SMARCC1: variants seen among roughly 807,000 people sequenced by gnomAD.
The protein encoded by SMARCC1 is SWI/SNF related BAF chromatin remodeling complex subunit C1, also known as SWI/SNF complex subunit SMARCC1.
Under a neutral mutation model 147.4 loss-of-function variants are expected in SMARCC1, and 43 were observed. That is an observed-to-expected ratio of 0.29 (90% CI 0.23 to 0.38). The LOEUF (loss-of-function observed/expected upper bound fraction) is 0.38. SMARCC1 is among the 10% of genes least tolerant of loss of function. The pLI is 1.00. For synonymous variants in SMARCC1, 495 were observed against 484.4 expected (o/e 1.02, Z -0.29); for missense variants, 1,119 against 1,381.1 (o/e 0.81, Z 3.01).
intron 9 of SMARCC1, among the ~76,000 whole-genome samples, chr3:47,710,092 T>A (rs1322402910): frequency 6.6e-6 from 1 of 151,940 alleles, no homozygotes; most frequent in Non-Finnish European, 1.5e-5. Context: ...CAAGGCAGGC[T>A]GATCACCTGA....
chr3:47,624,289 CA>C lies in SMARCC1; in HGVS notation c.2647-1949del, dbSNP rs551693931. Among the ~76,000 whole-genome samples the C allele has an allele frequency of 3.6e-4, 54 of 149,584 alleles. No homozygotes were observed. The South Asian group carries it at 0.011, about 31-fold the overall frequency. On this transcript the variant is annotated intron_variant, in intron 24 of 27. Transcript: ENST00000254480. ...CTAGTGACAGAACAAGAATCCATCT[CA>C]AAAAAAATAAAAAATAAAATAAAAG...
intron 22 of SMARCC1, among the ~76,000 whole-genome samples, chr3:47,637,921 T>C (rs2032993288): frequency 6.6e-6 from 1 of 152,176 alleles, no homozygotes; most frequent in Admixed American, 6.5e-5. Context: ...TCAATCTTTA[T>C]AGTTCTACCT....
At chr3:47,767,069 G>A (rs1005248932) in intron 2 of SMARCC1, among the ~76,000 whole-genome samples, 1 of 151,068 alleles carries the variant, frequency 6.6e-6, no homozygotes, top group Non-Finnish European at 1.5e-5. Context: ...TGTTGTCCCA[G>A]CTACTTGGGA....
intron 23 of SMARCC1, 62 bp downstream of exon 23, chr3:47,635,960 T>G: frequency 1.2e-6 from 1 of 802,304 alleles, no homozygotes; most frequent in South Asian, 1.6e-5. Flanking sequence ...TAAACCACCT[T>G]CATTTCTCCA....
intron 7 of SMARCC1, among the ~76,000 whole-genome samples, chr3:47,716,561 A>G (rs2034159156): frequency 6.6e-6 from 1 of 152,214 alleles, no homozygotes; most frequent in South Asian, 2.1e-4. Context: ...AACCTGAGCC[A>G]GCTGCCACAT....
intron 2 of SMARCC1, among the ~76,000 whole-genome samples, chr3:47,752,296 G>C (rs2034638167): frequency 6.6e-6 from 1 of 152,158 alleles, no homozygotes; most frequent in Non-Finnish European, 1.5e-5. Context: ...TGGAAAGCTG[G>C]AGATAGGAAC....
At chr3:47,604,888 G>C (rs569893327) in intron 26 of SMARCC1, among the ~76,000 whole-genome samples, 1 of 151,978 alleles carries the variant, frequency 6.6e-6, no homozygotes, top group South Asian at 2.1e-4. Context: ...TAGTAGAGAT[G>C]GGCTTTTGCC....
intron 7 of SMARCC1, among the ~76,000 whole-genome samples, chr3:47,717,519 A>G (rs1178941167): frequency 2.0e-5 from 3 of 152,188 alleles, no homozygotes; most frequent in African/African-American, 7.2e-5. Flanking sequence ...TCAAACAACT[A>G]TCAATCAATC....
intron 11 of SMARCC1, among the ~76,000 whole-genome samples, chr3:47,700,888 T>C (rs1023762720): frequency 6.6e-6 from 1 of 152,126 alleles, no homozygotes; most frequent in Admixed American, 6.6e-5. Context: ...GTAACTAAGG[T>C]TCATCACACT....
At chr3:47,714,193 G>A (rs548157296) in intron 8 of SMARCC1, among the ~76,000 whole-genome samples, 5 of 152,246 alleles carry the variant, frequency 3.3e-5, no homozygotes, top group African/African-American at 1.2e-4. Context: ...GTAAAACTCC[G>A]TCTCTACTAA....
At chr3:47,666,626 A>G (rs1176746120) in intron 19 of SMARCC1, among the ~76,000 whole-genome samples, 4 of 151,356 alleles carry the variant, frequency 2.6e-5, no homozygotes, top group Non-Finnish European at 5.9e-5. Context: ...AGCTAAACCA[A>G]GCTTGTCCAA....
At chr3:47,588,402 C>G in intron 27 of SMARCC1, 96 bp from the exon 28 acceptor site, 3 of 1,178,216 alleles carry the variant, frequency 2.5e-6, no homozygotes, top group Non-Finnish European at 3.7e-6. Context: ...AAGTCCTTTC[C>G]TTAGTGGCAG....
chr3:47,671,196 A>AAAAAACAAC, intron 18 of SMARCC1, among the ~76,000 whole-genome samples: 2 of 81,140 alleles, frequency 2.5e-5, no homozygotes, highest in Non-Finnish European at 4.8e-5. Flanking sequence ...AAAAAAAAAA[A>AAAAAACAAC]AACACACACA....
chr3:47,644,510 T>G (rs1246106786), intron 21 of SMARCC1, among the ~76,000 whole-genome samples: 5 of 152,002 alleles, frequency 3.3e-5, no homozygotes, highest in Admixed American at 2.0e-4. Flanking sequence ...GAAAAACTTT[T>G]TTTGTTTGTT....
intron 1 of SMARCC1, among the ~76,000 whole-genome samples, chr3:47,775,324 C>A (rs1377204393): frequency 2.6e-5 from 4 of 151,056 alleles, no homozygotes; most frequent in African/African-American, 4.9e-5. Flanking sequence ...CCACGCCTGG[C>A]TAATTTTTTG....
At chr3:47,736,754 C>T (rs1469490727) in intron 4 of SMARCC1, among the ~76,000 whole-genome samples, 1 of 151,618 alleles carries the variant, frequency 6.6e-6, no homozygotes, top group African/African-American at 2.4e-5. Flanking sequence ...TATGTTAACT[C>T]CCCAAATCAT....
chr3:47,629,468 T>G (rs537246935), intron 24 of SMARCC1, among the ~76,000 whole-genome samples: 4 of 152,310 alleles, frequency 2.6e-5, no homozygotes, highest in Non-Finnish European at 5.9e-5. Flanking sequence ...CTGTGTCCCC[T>G]TACCTTGAAT....
At chr3:47,690,914 CAG>C (rs2106774883) in intron 12 of SMARCC1, among the ~76,000 whole-genome samples, 1 of 152,278 alleles carries the variant, frequency 6.6e-6, no homozygotes, top group Admixed American at 6.5e-5. Flanking sequence ...AAGTAACTAA[CAG>C]AAAGAAATCT....
At position 47,609,937 on chromosome 3, in the gene SMARCC1, T is replaced by C. The variant is rs575890706; in HGVS notation, c.3043+129A>G. 7.0e-6 allele frequency: 7 copies of C among 998,958 alleles called. No homozygotes were observed. The African/African-American group carries it at 9.7e-5, about 14-fold the overall frequency. 61.9% of individuals were successfully genotyped at this position (998,958 alleles called of 1,614,324 possible). On this transcript the variant is annotated intron_variant, in intron 26 of 27. Coordinates refer to ENST00000254480, the MANE Select transcript of SMARCC1 (RefSeq NM_003074.4). ...ACCCTAAATCTCACATGCCTACAAT[T>C]TTCTAGATGACAATGAAAATTTTGA...
Sources: allele counts gnomAD v4.1 joint callset (sites outside exome capture counted in the v4.1 genomes callset), GRCh38; gene constraint gnomAD v4.1.1; transcripts MANE v1.5; gene names NCBI Gene and HGNC (gene_info 2026-07-23, HGNC 2026-07-21).